Variants in IL17RD observed in about 807,000 individuals in gnomAD.
IL17RD encodes the protein interleukin-17 receptor D.
IL17RD carries 52 observed loss-of-function variants against 80.5 expected under a neutral mutation model. That is an observed-to-expected ratio of 0.65 (90% CI 0.52 to 0.81). The LOEUF (loss-of-function observed/expected upper bound fraction) is 0.81, where lower values mean the gene tolerates loss of function less well. Ranked by LOEUF, IL17RD falls within the 40% of genes least tolerant of loss-of-function variation. The probability of loss-of-function intolerance (pLI) is 0.00; values close to 1 mark genes in which losing one functional copy is unlikely to be tolerated. For missense variants in IL17RD, 1,024 were observed against 955.1 expected, an observed-to-expected ratio of 1.07 and a Z score of -0.95; for synonymous variants, 416 against 391.8, an observed-to-expected ratio of 1.06 and a Z score of -0.73.
chr3:57,142,801 A>C (rs554242757), intron 1 of IL17RD, among the ~76,000 whole-genome samples: 30 of 152,316 alleles, frequency 2.0e-4, no homozygotes, highest in Admixed American at 1.4e-3. Flanking sequence ...CATTTAAAAA[A>C]AAAAACTTTA....
Position 57,098,147 on chromosome 3 carries a change from T to C in IL17RD, c.1556A>G (p.Gln519Arg), listed in dbSNP as rs1396061189. 6 of 1,613,886 alleles carry C rather than the reference T, an allele frequency of 3.7e-6. No individual in the cohort carries two copies. The highest frequency in any genetic ancestry group is 5.1e-6 in the Non-Finnish European group (6 of 1,179,890). Residue 519 changes from glutamine (Q) to arginine (R), a missense_variant, in exon 12 of 13, where the codon CAG (glutamine) becomes CGG (arginine). Transcript: ENST00000296318. Reference protein sequence around the residue: ...SHLHSRDHGLQEPGQHTRQGS... With the variant: ...SHLHSRDHGLREPGQHTRQGS... ...CTGTCGCGTGTGCTGCCCCGGCTCC[T>C]GGAGGCCGTGGTCTCGGGAGTGCAA...
rs780813725 is a variant in IL17RD, at chr3:57,110,249, A to C, written c.373T>G (p.Cys125Gly). 6.2e-7 allele frequency: 1 copy of C among 1,609,762 alleles called. No homozygotes were observed. The highest frequency in any genetic ancestry group is 1.1e-5 in the South Asian group (1 of 89,730). ...GGATCCTTTAGAATCAGTTGTTGGC[A>C]CTGTCTTCCCTCCGACTTCAGCTCC... is the stretch of plus-strand genomic sequence containing the variant. ...LEELKSEGRQ[C>G]QQLILKDPKQ... Residue 125 changes from cysteine to glycine, a missense_variant, in exon 4 of 13, where the codon TGC becomes GGC. Physicochemically the swap from Cys to Gly is radical, Grantham distance 159 (BLOSUM62 -3). Coordinates refer to ENST00000296318, the MANE Select transcript of IL17RD (RefSeq NM_017563.5).
At chr3:57,105,552 A>ATATATATATATAT (rs1553623052) in intron 7 of IL17RD, among the ~76,000 whole-genome samples, 1 of 63,590 alleles carries the variant, frequency 1.6e-5, no homozygotes, top group African/African-American at 9.3e-5. Context: ...AAAAAAAAAA[A>ATATATATATATAT]ATATATATAT....
At position 57,165,166 on chromosome 3, in the gene IL17RD, A is replaced by G; in HGVS notation, c.121T>C (p.Trp41Arg). The G allele has an allele frequency of 6.6e-7, 1 of 1,525,790 alleles. No individual in the cohort carries two copies. The allele number at this position is 1,525,790 out of a possible 1,614,324, so 94.5% of individuals were successfully genotyped here. Residue 41 changes from tryptophan (W) to arginine (R), a missense_variant, in exon 1 of 13, where the codon TGG becomes CGG. By Grantham distance (101) the Trp-to-Arg change is moderately radical (BLOSUM62 -3). Transcript: ENST00000296318. ...GRARGADTCG[W>R]RGVGPASRNS... ...ACCCGCCGCCCTCGCCTTACCCTCC[A>G]GCCACAGGTGTCGGCGCCCCGCGCG...
intron 1 of IL17RD, among the ~76,000 whole-genome samples, chr3:57,146,447 G>A (rs963693446): frequency 2.6e-5 from 4 of 152,158 alleles, no homozygotes; most frequent in African/African-American, 9.6e-5. Flanking sequence ...AAATAACAAA[G>A]GTAAAGAAAA....
intron 1 of IL17RD, among the ~76,000 whole-genome samples, chr3:57,156,423 G>C (rs1218232334): frequency 2.0e-5 from 3 of 152,094 alleles, no homozygotes; most frequent in Non-Finnish European, 4.4e-5. Flanking sequence ...AAATTAGCCA[G>C]ACTTGGTGGC....
chr3:57,109,599 ACCTTTAC>A lies in IL17RD; in HGVS notation c.481_487del (p.Val161LeufsTer32). 1 of 1,613,202 alleles carries A rather than the reference ACCTTTAC, an allele frequency of 6.2e-7. No individual in the cohort carries two copies. The highest frequency in any genetic ancestry group is 1.1e-5 in the South Asian group (1 of 91,052). ...GTTTTTAATGGAAGGAAAAGGGACA[ACCTTTAC>A]GAAATAATCCGTTTCAAATTTCATA... On this transcript the variant is annotated frameshift_variant, in exon 5 of 13. Transcript: ENST00000296318. LOFTEE classifies it high-confidence loss of function.
At chr3:57,110,716 T>G (rs972948840) in intron 3 of IL17RD, among the ~76,000 whole-genome samples, 1 of 152,236 alleles carries the variant, frequency 6.6e-6, no homozygotes, top group African/African-American at 2.4e-5. Flanking sequence ...CCCAAAACCA[T>G]GTTTCCACTT....
intron 1 of IL17RD, among the ~76,000 whole-genome samples, chr3:57,148,362 A>G (rs2107533588): frequency 6.6e-6 from 1 of 151,648 alleles, no homozygotes; most frequent in African/African-American, 2.4e-5. Flanking sequence ...AGGAAAGAAG[A>G]CCCACTAATT....
At chr3:57,157,586 T>C (rs1459811051) in intron 1 of IL17RD, among the ~76,000 whole-genome samples, 1 of 152,170 alleles carries the variant, frequency 6.6e-6, no homozygotes, top group Non-Finnish European at 1.5e-5. Flanking sequence ...CCAGAGCAAA[T>C]GTGCACACTC....
At chr3:57,150,400 C>T (rs1708031235) in intron 1 of IL17RD, 1 of 152,256 alleles carries the variant, frequency 6.6e-6, no homozygotes, top group African/African-American at 2.4e-5. Flanking sequence ...AGGGTAAGAA[C>T]TCTGCAGCTC....
chr3:57,105,715 G>T, intron 7 of IL17RD, 142 bp downstream of exon 7: 1 of 656,870 alleles, frequency 1.5e-6, no homozygotes. Flanking sequence ...CCTGAGACAT[G>T]CCCAATGATT....
intron 1 of IL17RD, among the ~76,000 whole-genome samples, chr3:57,136,002 T>G (rs1035103908): frequency 1.3e-5 from 2 of 152,238 alleles, no homozygotes; most frequent in Admixed American, 6.5e-5. Flanking sequence ...TAATTTATCC[T>G]GTATGTTTCT....
At chr3:57,159,815 A>C (rs2060291494) in intron 1 of IL17RD, among the ~76,000 whole-genome samples, 1 of 152,216 alleles carries the variant, frequency 6.6e-6, no homozygotes, top group Admixed American at 6.5e-5. Flanking sequence ...ACATTCTTAC[A>C]AATCAAGGGT....
intron 5 of IL17RD, among the ~76,000 whole-genome samples, chr3:57,107,442 A>C (rs1309724689): frequency 6.6e-6 from 1 of 152,174 alleles, no homozygotes; most frequent in Admixed American, 6.5e-5. Flanking sequence ...AAACAACCAC[A>C]ATAAGAATTC....
rs143977406 is a variant in IL17RD, at chr3:57,102,549, G to A, written c.909C>T (p.Ile303=). The part of the protein sequence containing the change: ...PWAGPIRAVA[I]TVPLVVISAF... ...CCGATATGACTACCAGTGGCACTGT[G>A]ATGGCCACGGCTCTGATGGGCCCGG... The change falls in exon 10 of 13, where the codon ATC becomes ATT. Residue 303 remains isoleucine (I), a synonymous_variant. Transcript: ENST00000296318. The A allele has an allele frequency of 2.1e-5, 34 of 1,584,370 alleles. No homozygotes were observed. In the African/African-American group the frequency reaches 3.8e-4, roughly 18 times the overall value.
rs1166686481 is a variant in IL17RD at position 57,099,449 on chromosome 3, C to G, written c.1165-911G>C. ...CATCTCTTGGTTATTGTGTTGATGT[C>G]TTTCCTTCTGTAGTTATTAATTCCC... On this transcript the variant is annotated intron_variant, in intron 11 of 12. Transcript: ENST00000296318. 3.3e-5 allele frequency among the ~76,000 whole-genome samples: 5 copies of G among 152,160 alleles called. No homozygotes were observed. The East Asian group carries it at 9.6e-4, about 29-fold the overall frequency.
rs182634426 is a variant in IL17RD, at chr3:57,163,519, A to T, written c.126+1642T>A. On this transcript the variant is annotated intron_variant, in intron 1 of 12. Transcript: ENST00000296318. ...CTTGGCAACTGCAGCAAAACAGTGAATCGGACTGATTTACCTACGCCATCA... is the reference window on the plus strand; with the variant it reads ...CTTGGCAACTGCAGCAAAACAGTGATTCGGACTGATTTACCTACGCCATCA... Among the ~76,000 whole-genome samples, 3 of 152,172 alleles carry T rather than the reference A, an allele frequency of 2.0e-5. No homozygotes were observed. The East Asian group carries it at 5.8e-4, about 30-fold the overall frequency.
At chr3:57,151,168 T>C (rs977099395) in intron 1 of IL17RD, among the ~76,000 whole-genome samples, 1 of 152,210 alleles carries the variant, frequency 6.6e-6, no homozygotes, top group African/African-American at 2.4e-5. Flanking sequence ...TTGAAGCGAT[T>C]TGAAATGAAA....
Sources: gnomAD v4.1 joint callset for allele counts (sites outside exome capture counted in the v4.1 genomes callset) on GRCh38, gnomAD v4.1.1 for gene constraint, MANE v1.5 for transcripts, NCBI Gene and HGNC (gene_info 2026-07-23, HGNC 2026-07-21) for gene names.